Variants in PTPN4 observed in about 807,000 individuals in gnomAD.
PTPN4 encodes protein tyrosine phosphatase non-receptor type 4.
A neutral mutation model predicts 135.5 loss-of-function variants in PTPN4; 49 were observed. The ratio of observed to expected loss-of-function variants is 0.36; its 90% CI spans 0.29 to 0.46. The LOEUF (loss-of-function observed/expected upper bound fraction) is 0.46, where lower values mean the gene tolerates loss of function less well. Ranked by LOEUF, PTPN4 falls within the 20% of genes least tolerant of loss-of-function variation. The pLI, the probability that PTPN4 is intolerant of heterozygous loss-of-function variation, is 1.00. For synonymous variants in PTPN4, 333 were observed against 369.9 expected, an observed-to-expected ratio of 0.90 and a Z score of 1.14; for missense variants, 860 against 1,101.0, an observed-to-expected ratio of 0.78 and a Z score of 3.10.
intron 8 of PTPN4, among the ~76,000 whole-genome samples, chr2:119,883,044 T>G (rs908512876): frequency 3.9e-5 from 6 of 152,216 alleles, no homozygotes; most frequent in Admixed American, 6.5e-5. Flanking sequence ...AAATATTTCT[T>G]TAAGAACAGT....
In PTPN4 at chr2:119,981,953, G is replaced by A. The variant is rs1414806751; in HGVS notation, c.*4883G>A. Reference sequence around the variant, plus strand: ...TTATTTTAGTAATCCAAGCTAAATGGGCAACCAGAAGTAATATCTGCTAGG... The same window carrying A: ...TTATTTTAGTAATCCAAGCTAAATGAGCAACCAGAAGTAATATCTGCTAGG... On this transcript the variant is annotated 3_prime_UTR_variant, in exon 27 of 27. Coordinates refer to ENST00000263708, the MANE Select transcript of PTPN4 (RefSeq NM_002830.4). 1.3e-5 allele frequency: 2 copies of A among 152,028 alleles called. No homozygotes were observed. Among genetic ancestry groups the A allele is most frequent in the Non-Finnish European group, 2.9e-5 (2 of 67,978 alleles). The allele number at this position is 152,028 out of a possible 1,614,324, so 9.4% of individuals were successfully genotyped here. A position where few individuals can be genotyped will look rare whatever the true frequency, so the allele number is the denominator to read the frequency against.
At chr2:119,927,004 A>G (rs1407985414) in intron 13 of PTPN4, among the ~76,000 whole-genome samples, 2 of 151,256 alleles carry the variant, frequency 1.3e-5, no homozygotes, top group Admixed American at 6.6e-5. Context: ...TTATCAAGCC[A>G]TTTCCATATT....
At chr2:119,967,127 C>T (rs1371093642) in intron 25 of PTPN4, among the ~76,000 whole-genome samples, 1 of 152,204 alleles carries the variant, frequency 6.6e-6, no homozygotes, top group Non-Finnish European at 1.5e-5. Context: ...AAAAGTTGTT[C>T]TTGGCTATCC....
chr2:119,872,233 A>G (rs1236950743), intron 3 of PTPN4, among the ~76,000 whole-genome samples: 5 of 151,952 alleles, frequency 3.3e-5, no homozygotes, highest in African/African-American at 1.2e-4. Context: ...TATGTTTTTT[A>G]CTGGATCTAG....
intron 25 of PTPN4, among the ~76,000 whole-genome samples, chr2:119,967,552 C>T (rs920822780): frequency 1.3e-5 from 2 of 152,120 alleles, no homozygotes; most frequent in African/African-American, 4.8e-5. Flanking sequence ...GGAGTTGCTC[C>T]AGTAAGCTTC....
Position 119,962,686 on chromosome 2 carries a change from A to G in PTPN4, c.2351A>G (p.His784Arg). The G allele has an allele frequency of 1.9e-6, 3 of 1,589,676 alleles. No individual in the cohort carries two copies. The highest frequency in any genetic ancestry group is 2.6e-6 in the Non-Finnish European group (3 of 1,162,316). Residue 784 changes from histidine to arginine, a missense_variant, in exon 24 of 27, where the codon CAC (histidine) becomes CGC (arginine). His to Arg is a conservative substitution (Grantham distance 29). Transcript: ENST00000263708. Reference protein sequence around the residue: ...SSYGCYQVTCHSEEGNTAYIF... With the variant: ...SSYGCYQVTCRSEEGNTAYIF... ...TATGGATGCTACCAAGTTACCTGCC[A>G]CTCTGAAGAAGGAAACACTGCCTAT... is the stretch of plus-strand genomic sequence containing the variant.
At chr2:119,781,182 A>C (rs1354545718) in intron 1 of PTPN4, among the ~76,000 whole-genome samples, 1 of 152,158 alleles carries the variant, frequency 6.6e-6, no homozygotes, top group African/African-American at 2.4e-5. Flanking sequence ...ATTTAGCCTC[A>C]CCTTGTATTT....
At chr2:119,885,029 T>A (rs1678135288) in intron 8 of PTPN4, among the ~76,000 whole-genome samples, 1 of 152,200 alleles carries the variant, frequency 6.6e-6, no homozygotes, top group Non-Finnish European at 1.5e-5. Context: ...TTCTTCAACT[T>A]GTGTTTATAA....
At chr2:119,857,737 A>G (rs893625625) in intron 2 of PTPN4, among the ~76,000 whole-genome samples, 1 of 152,100 alleles carries the variant, frequency 6.6e-6, no homozygotes, top group Non-Finnish European at 1.5e-5. Flanking sequence ...TTTACTCTTC[A>G]TTCCTATTGA....
At chr2:119,786,079 C>G (rs1351527337) in intron 1 of PTPN4, among the ~76,000 whole-genome samples, 1 of 152,198 alleles carries the variant, frequency 6.6e-6, no homozygotes, top group Non-Finnish European at 1.5e-5. Flanking sequence ...TCAAATTACA[C>G]TTCTCCTCCT....
At chr2:119,892,186 G>A (rs982164219) in intron 9 of PTPN4, among the ~76,000 whole-genome samples, 1 of 152,162 alleles carries the variant, frequency 6.6e-6, no homozygotes, top group Admixed American at 6.5e-5. Context: ...CAAAATACCA[G>A]CCTATATTGA....
Position 119,910,745 on chromosome 2 carries a change from G to A in PTPN4, c.765-4434G>A, listed in dbSNP as rs192594694. On this transcript the variant is annotated intron_variant, in intron 10 of 26. Coordinates refer to ENST00000263708, the MANE Select transcript of PTPN4 (RefSeq NM_002830.4). ...TTGCACTTCTCCTTCCTGCTGCCTT[G>A]TGAATAAAGTACCTTGCTTGCCCTT... 1.8e-3 allele frequency among the ~76,000 whole-genome samples: 279 copies of A among 152,150 alleles called. 1 individual carries two copies. The highest frequency in any genetic ancestry group is 6.8e-3 in the Middle Eastern group (2 of 294).
At chr2:119,921,739 A>G (rs1038407653) in intron 12 of PTPN4, among the ~76,000 whole-genome samples, 2 of 152,194 alleles carry the variant, frequency 1.3e-5, no homozygotes, top group Admixed American at 6.5e-5. Context: ...AAGTCAAGGA[A>G]AAAGCAAAGA....
chr2:119,978,417 T>C lies in PTPN4; in HGVS notation c.*1347T>C, dbSNP rs1255537359. ...TAAGTGTAATAACTCAATAACTAAA[T>C]TGAGAATTTTCTTGTTTTTTTGTGT... is the stretch of plus-strand genomic sequence containing the variant. On this transcript the variant is annotated 3_prime_UTR_variant, in exon 27 of 27. Coordinates refer to ENST00000263708, the MANE Select transcript of PTPN4 (RefSeq NM_002830.4). The C allele has an allele frequency of 4.1e-5, 2 of 48,606 alleles. No homozygotes were observed. The highest frequency in any genetic ancestry group is 8.7e-5 in the Non-Finnish European group (2 of 22,958). The allele number at this position is 48,606 out of a possible 1,614,324, so 3.0% of individuals were successfully genotyped here.
chr2:119,769,688 T>G (rs1690699586), intron 1 of PTPN4, among the ~76,000 whole-genome samples: 1 of 152,210 alleles, frequency 6.6e-6, no homozygotes, highest in Non-Finnish European at 1.5e-5. Context: ...TACCTTTGCG[T>G]TTCAAGGGTT....
At chr2:119,830,626 G>A (rs112987808) in intron 2 of PTPN4, among the ~76,000 whole-genome samples, 3,528 of 152,090 alleles carry the variant, frequency 0.023, 127 homozygotes, top group African/African-American at 0.077. Flanking sequence ...CCGTCACCAC[G>A]CCCCGCTAAT....
At chr2:119,913,658 C>T (rs992640328) in intron 10 of PTPN4, among the ~76,000 whole-genome samples, 1 of 151,920 alleles carries the variant, frequency 6.6e-6, no homozygotes, top group African/African-American at 2.4e-5. Flanking sequence ...AAAGGCAAAC[C>T]TTAAACTGAA....
intron 3 of PTPN4, among the ~76,000 whole-genome samples, chr2:119,865,230 A>G (rs538895235): frequency 6.6e-6 from 1 of 152,158 alleles, no homozygotes; most frequent in Non-Finnish European, 1.5e-5. Flanking sequence ...TCTAGTTGTC[A>G]ATGTGAAATT....
chr2:119,909,686 C>G (rs1308109860), intron 10 of PTPN4, among the ~76,000 whole-genome samples: 2 of 152,022 alleles, frequency 1.3e-5, no homozygotes, highest in African/African-American at 2.4e-5. Context: ...AGTTGAAAAC[C>G]TTTTGGAAAG....
Sources: gnomAD v4.1 joint callset for allele counts (sites outside exome capture counted in the v4.1 genomes callset) on GRCh38, gnomAD v4.1.1 for gene constraint, MANE v1.5 for transcripts, NCBI Gene and HGNC (gene_info 2026-07-23, HGNC 2026-07-21) for gene names.